The following WDR62 variants were observed in gnomAD, a reference collection of about 807,000 sequenced individuals.
WDR62 encodes the protein WD repeat domain 62, also known as WD repeat-containing protein 62.
A neutral mutation model predicts 160.6 loss-of-function variants in WDR62; 112 were observed. The observed-to-expected ratio is 0.70, with a 90% CI of 0.60 to 0.82. The LOEUF (loss-of-function observed/expected upper bound fraction) is 0.82. Ranked by LOEUF, WDR62 falls within the 40% of genes least tolerant of loss-of-function variation. The pLI is 0.00. For synonymous variants in WDR62, 792 were observed against 815.1 expected (o/e 0.97, Z 0.48); for missense variants, 1,819 against 1,983.8 (o/e 0.92, Z 1.58).
chr19:36,071,808 G>A (rs1233500781), intron 8 of WDR62, 92 bp downstream of exon 8: 1 of 1,481,536 alleles, frequency 6.7e-7, no homozygotes, highest in East Asian at 2.3e-5. Context: ...CTATCTGTCT[G>A]TCCATCCCAC....
At chr19:36,062,649 CAAAAAAAAA>C (rs1167386837) in intron 3 of WDR62, 4 of 39,476 alleles carry the variant, frequency 1.0e-4, no homozygotes, top group Admixed American at 3.8e-4. Flanking sequence ...GAGTCCGTCT[CAAAAAAAAA>C]AAAAAAAAAA....
chr19:36,080,394 G>A (rs893031249), intron 9 of WDR62, among the ~76,000 whole-genome samples: 3 of 151,470 alleles, frequency 2.0e-5, no homozygotes, highest in African/African-American at 4.9e-5. Flanking sequence ...GATTACAGGC[G>A]GGAGCCACCA....
chr19:36,084,262 A>C (rs1193914726), intron 11 of WDR62, among the ~76,000 whole-genome samples: 1 of 152,132 alleles, frequency 6.6e-6, no homozygotes, highest in Non-Finnish European at 1.5e-5. Context: ...ACAATGAGAG[A>C]CTGGAATCAA....
intron 21 of WDR62, among the ~76,000 whole-genome samples, chr19:36,098,490 A>T (rs572580746): frequency 6.6e-6 from 1 of 151,764 alleles, no homozygotes; most frequent in Admixed American, 6.6e-5. Context: ...ACTTGAACCC[A>T]GGAGGCAGAG....
Position 36,104,911 on chromosome 19 carries a change from A to C in WDR62, c.4455A>C (p.Pro1485=), listed in dbSNP as rs773202410. 2 of 1,610,672 alleles carry C rather than the reference A, an allele frequency of 1.2e-6. No individual in the cohort carries two copies. Among genetic ancestry groups the C allele is most frequent in the Non-Finnish European group, 1.7e-6 (2 of 1,179,584 alleles). The stretch of plus-strand genomic sequence containing the variant: ...CCCCAGCCCAGGCTCTGCCCAGCCC[A>C]GGACCCCCGTCCCCACCGACGCTGT... ...SVAPAQALPS[P]GPPSPPTLYP... is the part of the protein sequence containing the mutation. Residue 1485 remains proline, a synonymous_variant, in exon 32 of 32, where the codon CCA becomes CCC. Transcript: ENST00000401500.
chr19:36,072,540 C>G (rs936045697), intron 8 of WDR62, among the ~76,000 whole-genome samples: 23 of 148,606 alleles, frequency 1.5e-4, no homozygotes, highest in Admixed American at 1.4e-3. Flanking sequence ...CTTTCTTCTC[C>G]TTTGTTGCAA....
rs1973016978 is a variant in WDR62, at chr19:36,097,096, A to AG, written c.2520+20dup. 1.2e-6 allele frequency: 2 copies of AG among 1,613,206 alleles called. No homozygotes were observed. Among genetic ancestry groups the AG allele is most frequent in the African/African-American group, 1.3e-5 (1 of 74,892 alleles). ...AAGCGGCTGGTAAGTCTTCAGGGAGAGGGTTGCTCAGGGGCTGGCAGAGGA... is the reference window on the plus strand; with the variant it reads ...AAGCGGCTGGTAAGTCTTCAGGGAGAGGGGTTGCTCAGGGGCTGGCAGAGGA... On this transcript the variant is annotated intron_variant, in intron 21 of 31. Coordinates refer to ENST00000401500, the MANE Select transcript of WDR62 (RefSeq NM_001083961.2).
At chr19:36,102,507 C>T in intron 26 of WDR62, 1 of 595,866 alleles carries the variant, frequency 1.7e-6, no homozygotes, top group East Asian at 2.8e-5. Context: ...ATGATCTGCC[C>T]GCCTTGGCCT....
rs1348426965 is a variant in WDR62, at chr19:36,104,782, C to G, written c.4326C>G (p.Gly1442=). ...ATCCCTTGCAGTTGGTCTCCAGTGG[C>G]CAGGTGGACACCGGGCAGCAGCAGG... The part of the protein sequence containing the change: ...LDLYRVLVSS[G]QVDTGQQQAR... Residue 1442 remains glycine, a synonymous_variant, in exon 32 of 32, where the codon GGC becomes GGG. Coordinates refer to ENST00000401500, the MANE Select transcript of WDR62 (RefSeq NM_001083961.2). 1.2e-6 allele frequency: 2 copies of G among 1,613,606 alleles called. No homozygotes were observed. Among genetic ancestry groups the G allele is most frequent in the African/African-American group, 1.3e-5 (1 of 74,956 alleles).
In WDR62 at chr19:36,091,424, C is replaced by A. The variant is rs1478837181; in HGVS notation, c.2169C>A (p.Phe723Leu). ...CAGAAATTATTACCAGCATGAAGTT[C>A]ACCTATGACTGTCATCACTTGATCA... ...GHSEIITSMK[F>L]TYDCHHLITV... The change falls in exon 18 of 32, where the codon TTC (phenylalanine) becomes TTA (leucine). Residue 723 changes from phenylalanine (F) to leucine (L), a missense_variant. Transcript: ENST00000401500. 6.3e-7 allele frequency: 1 copy of A among 1,578,716 alleles called. No homozygotes were observed. The highest frequency in any genetic ancestry group is 1.4e-5 in the African/African-American group (1 of 73,504).
chr19:36,055,235 AG>A, intron 1 of WDR62, 87 bp downstream of exon 1: 1 of 1,462,722 alleles, frequency 6.8e-7, no homozygotes, highest in Non-Finnish European at 9.3e-7. Context: ...CCCCGACATC[AG>A]CCCCCGGCCA....
intron 9 of WDR62, among the ~76,000 whole-genome samples, chr19:36,075,721 C>T (rs185121102): frequency 4.7e-4 from 71 of 152,374 alleles, no homozygotes; most frequent in African/African-American, 1.6e-3. Flanking sequence ...GCTGGGATTA[C>T]AGGCGTGAGC....
rs1183217609 is a variant in WDR62, at chr19:36,067,358, CCTT to C, written c.617_619del (p.Phe206del). The C allele has an allele frequency of 3.7e-6, 6 of 1,614,166 alleles. No homozygotes were observed. The highest frequency in any genetic ancestry group is 5.1e-6 in the Non-Finnish European group (6 of 1,179,978). ...GTATCTTGTAGAGTCATTGCCCTCT[CCTT>C]CTCAGAGGACAGCAGCTATTTTGTC... On this transcript the variant is annotated inframe_deletion, in exon 6 of 32. Transcript: ENST00000401500.
At chr19:36,071,377 A>G (rs1189771667) in intron 7 of WDR62, among the ~76,000 whole-genome samples, 179 bp from the exon 8 acceptor site, 2 of 152,158 alleles carry the variant, frequency 1.3e-5, no homozygotes, top group Admixed American at 6.5e-5. Flanking sequence ...ATGTCTTTCA[A>G]TAGCAGCAGT....
chr19:36,069,487 G>C (rs1971161141), intron 7 of WDR62, among the ~76,000 whole-genome samples: 1 of 152,056 alleles, frequency 6.6e-6, no homozygotes. Flanking sequence ...GCCGGGAAGA[G>C]GCGCTCCTCA....
chr19:36,079,596 A>G (rs1478496607), intron 9 of WDR62, among the ~76,000 whole-genome samples: 1 of 152,092 alleles, frequency 6.6e-6, no homozygotes, highest in Non-Finnish European at 1.5e-5. Context: ...TTTAGGCCTT[A>G]CCCCTTGCAC....
At position 36,090,484 on chromosome 19, in the gene WDR62, C is replaced by A. The variant is rs530474820; in HGVS notation, c.1998C>A (p.Tyr666Ter). ...TGAACGGGAAGCAGAAGAAGTGCTACAAGGGCTCCCAGGGTGACGAAGGGT... is the reference window on the plus strand; with the variant it reads ...TGAACGGGAAGCAGAAGAAGTGCTAAAAGGGCTCCCAGGGTGACGAAGGGT... Reference protein sequence around the residue: ...NTVNGKQKKCYKGSQGDEGSL... With the variant: ...NTVNGKQKKC Residue 666 changes from tyrosine (Y) to a stop codon, truncating the protein, a stop_gained, in exon 16 of 32, where the codon TAC (tyrosine) becomes TAA (stop). Transcript: ENST00000401500. LOFTEE classifies it high-confidence loss of function. 1 of 1,614,112 alleles carries A rather than the reference C, an allele frequency of 6.2e-7. No individual in the cohort carries two copies. The highest frequency in any genetic ancestry group is 8.5e-7 in the Non-Finnish European group (1 of 1,179,992).
chr19:36,083,327 C>A, intron 11 of WDR62, 86 bp downstream of exon 11: 1 of 1,346,836 alleles, frequency 7.4e-7, no homozygotes, highest in Non-Finnish European at 1.0e-6. Context: ...CTGGCCTTGG[C>A]ACCTCCTGCT....
intron 1 of WDR62, among the ~76,000 whole-genome samples, chr19:36,056,952 C>T (rs896701363): frequency 2.0e-5 from 3 of 151,932 alleles, no homozygotes; most frequent in Non-Finnish European, 2.9e-5. Context: ...GCTGGGACTG[C>T]AGGCGCATGC....
Sources: allele counts gnomAD v4.1 joint callset (sites outside exome capture counted in the v4.1 genomes callset), GRCh38; gene constraint gnomAD v4.1.1; transcripts MANE v1.5; gene names NCBI Gene and HGNC (gene_info 2026-07-23, HGNC 2026-07-21).